The following PDPR variants were observed in gnomAD, a reference collection of about 807,000 sequenced individuals.
PDPR encodes pyruvate dehydrogenase phosphatase regulatory subunit.
In PDPR, 50 loss-of-function variants were observed where a neutral mutation model predicts 102.2. The observed-to-expected ratio is 0.49, with a 90% CI of 0.39 to 0.62. PDPR has a LOEUF of 0.62. PDPR is among the 20% of genes least tolerant of loss of function. The probability of loss-of-function intolerance (pLI) is 0.00; values close to 1 mark genes in which losing one functional copy is unlikely to be tolerated. For missense variants in PDPR, 625 were observed against 1,098.2 expected (o/e 0.57, Z 6.09); for synonymous variants, 259 against 406.0 (o/e 0.64, Z 4.35).
intron 9 of PDPR, among the ~76,000 whole-genome samples, chr16:70,135,952 C>T (rs376522997): frequency 1.4e-4 from 22 of 152,098 alleles, no homozygotes; most frequent in East Asian, 5.8e-4. Context: ...GCCTGTAATC[C>T]GAGCTAATTG....
chr16:70,142,106 A>G (rs1965775898), intron 11 of PDPR, 128 bp from the exon 12 acceptor site: 5 of 1,182,704 alleles, frequency 4.2e-6, no homozygotes, highest in Non-Finnish European at 4.7e-6. Flanking sequence ...GTCTTAAAAA[A>G]AAAAAAAAAC....
chr16:70,148,072 G>T (rs1393547976), intron 16 of PDPR, among the ~76,000 whole-genome samples: 1 of 152,260 alleles, frequency 6.6e-6, no homozygotes, highest in East Asian at 1.9e-4. Flanking sequence ...ATCATCTTTT[G>T]TATGGCAGGC....
intron 17 of PDPR, among the ~76,000 whole-genome samples, chr16:70,151,833 G>A (rs11647378): frequency 0.14 from 21,005 of 145,708 alleles, 2 homozygotes; most frequent in African/African-American, 0.15. Flanking sequence ...CCAAAACATG[G>A]GGGCAGATGG....
chr16:70,145,230 C>T (rs1330878393), intron 15 of PDPR, among the ~76,000 whole-genome samples: 11 of 152,312 alleles, frequency 7.2e-5, no homozygotes, highest in Non-Finnish European at 1.5e-4. Flanking sequence ...CTCCACCTCC[C>T]GGGTTCAAGC....
chr16:70,115,881 C>A (rs1466872309), intron 2 of PDPR, among the ~76,000 whole-genome samples: 1 of 152,128 alleles, frequency 6.6e-6, no homozygotes, highest in East Asian at 1.9e-4. Flanking sequence ...TCTCCCCTGG[C>A]TTTACCTCCT....
In PDPR at chr16:70,157,319, C is replaced by T. The variant is rs116013914; in HGVS notation, c.*440C>T. 1,751 of 405,554 alleles carry T rather than the reference C, an allele frequency of 4.3e-3. 9 individuals carry two copies. Among genetic ancestry groups the T allele is most frequent in the African/African-American group, 0.034 (1,610 of 47,862 alleles). 25.1% of individuals were successfully genotyped at this position (405,554 alleles called of 1,614,324 possible). ...AGCCTATTAGTTCTGGTGGGGTTGCCGTGTGTCGGATGCAGCCCTGAGGGG... is the reference window on the plus strand; with the variant it reads ...AGCCTATTAGTTCTGGTGGGGTTGCTGTGTGTCGGATGCAGCCCTGAGGGG... On this transcript the variant is annotated 3_prime_UTR_variant, in exon 19 of 19. Coordinates refer to ENST00000288050, the MANE Select transcript of PDPR (RefSeq NM_017990.5).
chr16:70,134,797 AAATAAT>A (rs1555524704), intron 9 of PDPR, among the ~76,000 whole-genome samples: 1 of 148,926 alleles, frequency 6.7e-6, no homozygotes, highest in Non-Finnish European at 1.5e-5. Flanking sequence ...AAAAAAAAAA[AAATAAT>A]AATAATAATA....
chr16:70,149,474 C>T (rs1402264838), intron 17 of PDPR, among the ~76,000 whole-genome samples: 3 of 152,196 alleles, frequency 2.0e-5, no homozygotes, highest in Middle Eastern at 3.2e-3. Context: ...CCATGTTGCC[C>T]AGGCTTGTTT....
chr16:70,117,920 C>T (rs1351008404), intron 2 of PDPR, among the ~76,000 whole-genome samples: 2 of 151,976 alleles, frequency 1.3e-5, no homozygotes, highest in African/African-American at 4.8e-5. Context: ...TGGTGAAACC[C>T]TGTCTGTACT....
At position 70,133,965 on chromosome 16, in the gene PDPR, T is replaced by C. The variant is rs190850867; in HGVS notation, c.997+1665T>C. Among the ~76,000 whole-genome samples the C allele has an allele frequency of 3.4e-3, 521 of 152,194 alleles. 2 individuals carry two copies. Among genetic ancestry groups the C allele is most frequent in the African/African-American group, 0.012 (490 of 41,456 alleles). On this transcript the variant is annotated intron_variant, in intron 9 of 18. Coordinates refer to ENST00000288050, the MANE Select transcript of PDPR (RefSeq NM_017990.5). ...TCAGGCTGGTTTCGAACTCCTGACC[T>C]CAGGAGATCTGCCCGCCTTGGCCTC...
chr16:70,156,997 A>G lies in PDPR; in HGVS notation c.*118A>G. On this transcript the variant is annotated 3_prime_UTR_variant, in exon 19 of 19. Coordinates refer to ENST00000288050, the MANE Select transcript of PDPR (RefSeq NM_017990.5). The stretch of plus-strand genomic sequence containing the variant: ...CTGGAGCCTTTGCCTCCCATCTCTT[A>G]TCTCCTTGATATAATTTTGAACTTG... 3 of 1,394,422 alleles carry G rather than the reference A, an allele frequency of 2.2e-6. No individual in the cohort carries two copies. The highest frequency in any genetic ancestry group is 3.0e-6 in the Non-Finnish European group (3 of 1,008,786). 86.4% of individuals were successfully genotyped at this position (1,394,422 alleles called of 1,614,324 possible).
intron 3 of PDPR, among the ~76,000 whole-genome samples, chr16:70,125,415 A>C (rs1248662006): frequency 6.6e-6 from 1 of 151,854 alleles, no homozygotes; most frequent in Non-Finnish European, 1.5e-5. Flanking sequence ...TTAGCTGGGC[A>C]TGGTGACACA....
chr16:70,144,099 C>G (rs1893372987), intron 14 of PDPR, among the ~76,000 whole-genome samples: 1 of 151,940 alleles, frequency 6.6e-6, no homozygotes, highest in South Asian at 2.1e-4. Context: ...GCCACATTGC[C>G]CAGGCTGATC....
At chr16:70,145,469 T>C (rs1200024711) in intron 15 of PDPR, among the ~76,000 whole-genome samples, 12 of 152,338 alleles carry the variant, frequency 7.9e-5, no homozygotes, top group South Asian at 4.1e-4. Flanking sequence ...GATGACTTGG[T>C]TCCCTGATTT....
rs537703341 is a variant in PDPR at position 70,153,438 on chromosome 16, C to T, written c.2100C>T (p.Tyr700=). 10 of 1,613,772 alleles carry T rather than the reference C, an allele frequency of 6.2e-6. No homozygotes were observed. The highest frequency in any genetic ancestry group is 1.7e-5 in the Admixed American group (1 of 59,982). ...AAGTGATGAGTGTTGGCCAGAAATA[C>T]GGAATCCGGAATGCTGGGTATTACG... ...YNEVMSVGQK[Y]GIRNAGYYAL... The change falls in exon 18 of 19, where the codon TAC becomes TAT. Residue 700 remains tyrosine, a synonymous_variant. Coordinates refer to ENST00000288050, the MANE Select transcript of PDPR (RefSeq NM_017990.5).
At chr16:70,143,290 C>T (rs964231598) in intron 13 of PDPR, among the ~76,000 whole-genome samples, 14 of 152,256 alleles carry the variant, frequency 9.2e-5, no homozygotes, top group Admixed American at 2.6e-4. Flanking sequence ...AATTTTAGCT[C>T]CTTGTTTCAG....
rs1323605086 is a variant in PDPR at position 70,157,167 on chromosome 16, G to A, written c.*288G>A. The A allele has an allele frequency of 3.2e-6, 2 of 634,620 alleles. No homozygotes were observed. Among genetic ancestry groups the A allele is most frequent in the South Asian group, 3.0e-5 (2 of 66,040 alleles). The allele number at this position is 634,620 out of a possible 1,614,324, so 39.3% of individuals were successfully genotyped here. ...GGTATGTCTGACAGGACAGAAGCAA[G>A]CTCCACTGTGGACATGAGTGATGGT... On this transcript the variant is annotated 3_prime_UTR_variant, in exon 19 of 19. Coordinates refer to ENST00000288050, the MANE Select transcript of PDPR (RefSeq NM_017990.5).
chr16:70,151,116 CAT>C (rs1377285661), intron 17 of PDPR, among the ~76,000 whole-genome samples: 2 of 152,210 alleles, frequency 1.3e-5, no homozygotes, highest in Non-Finnish European at 2.9e-5. Context: ...TTGTATTTTT[CAT>C]AGAGACAGGG....
In PDPR at chr16:70,156,880, T is replaced by G; in HGVS notation, c.*1T>G. 6.2e-7 allele frequency: 1 copy of G among 1,613,064 alleles called. No individual in the cohort carries two copies. Among genetic ancestry groups the G allele is most frequent in the Non-Finnish European group, 8.5e-7 (1 of 1,179,472 alleles). The stretch of plus-strand genomic sequence containing the variant: ...GCTGAGTGACTTACATGGGAAGTGA[T>G]GCCACCAGGGCAGCCTCACCTCCTC... On this transcript the variant is annotated 3_prime_UTR_variant, in exon 19 of 19. Coordinates refer to ENST00000288050, the MANE Select transcript of PDPR (RefSeq NM_017990.5).
Sources: allele counts gnomAD v4.1 joint callset (sites outside exome capture counted in the v4.1 genomes callset), GRCh38; gene constraint gnomAD v4.1.1; transcripts MANE v1.5; gene names NCBI Gene and HGNC (gene_info 2026-07-23, HGNC 2026-07-21).